RASA1: variants seen among roughly 807,000 people sequenced by gnomAD.
RASA1 encodes RAS p21 protein activator 1.
RASA1 carries 25 observed loss-of-function variants against 132.2 expected under a neutral mutation model. The observed-to-expected ratio is 0.19, with a 90% confidence interval of 0.14 to 0.26. The LOEUF is 0.26. Among genes scored for constraint, RASA1 ranks in the 10% least tolerant of loss-of-function variants. RASA1 has a pLI of 1.00. For missense variants in RASA1, 964 were observed against 1,299.2 expected (o/e 0.74, Z 3.97); for synonymous variants, 477 against 449.9 (o/e 1.06, Z -0.76).
At chr5:87,360,130 T>G (rs75661393) in intron 9 of RASA1, among the ~76,000 whole-genome samples, 2,627 of 151,770 alleles carry the variant, frequency 0.017, 32 homozygotes, top group Non-Finnish European at 0.027. Flanking sequence ...TGCAGTTTTT[T>G]TTTTTTTTTT....
chr5:87,388,448 G>C (rs1395630852), intron 23 of RASA1, among the ~76,000 whole-genome samples: 2 of 152,146 alleles, frequency 1.3e-5, no homozygotes, highest in Admixed American at 1.3e-4. Flanking sequence ...TCCAAAACTT[G>C]TTGAGCACCA....
At position 87,378,547 on chromosome 5, in the gene RASA1, T is replaced by G. The variant is rs776883121; in HGVS notation, c.2487+9T>G. 1.3e-6 allele frequency: 2 copies of G among 1,595,174 alleles called. No individual in the cohort carries two copies. Among genetic ancestry groups the G allele is most frequent in the Non-Finnish European group, 1.7e-6 (2 of 1,163,192 alleles). On this transcript the variant is annotated intron_variant, in intron 18 of 24. Transcript: ENST00000274376. Reference sequence around the variant, plus strand: ...GCAAGCAGTCTTGTGAGGTAAGAATTTAATGTTTTAATAAGTATTTTTGCA... The same window carrying G: ...GCAAGCAGTCTTGTGAGGTAAGAATGTAATGTTTTAATAAGTATTTTTGCA...
chr5:87,373,328 G>A (rs886283243), intron 13 of RASA1, among the ~76,000 whole-genome samples: 1 of 152,090 alleles, frequency 6.6e-6, no homozygotes, highest in African/African-American at 2.4e-5. Flanking sequence ...AAGTAATCTA[G>A]AGATGATTTA....
intron 1 of RASA1, among the ~76,000 whole-genome samples, chr5:87,278,506 A>G (rs1048740988): frequency 5.9e-5 from 9 of 152,046 alleles, no homozygotes. Flanking sequence ...AGATCATGCC[A>G]CTGCACTCCA....
Position 87,340,300 on chromosome 5 carries a change from C to T in RASA1, c.1018-990C>T, listed in dbSNP as rs1478500264. 3.9e-5 allele frequency among the ~76,000 whole-genome samples: 6 copies of T among 152,112 alleles called. No homozygotes were observed. In the East Asian group the frequency reaches 1.2e-3, roughly 29 times the overall value. Reference sequence around the variant, plus strand: ...ATTGTTTCCTTCTGTATTTCCATAGCACCTTGCTAATTCTGCATTCTGTTA... The same window carrying T: ...ATTGTTTCCTTCTGTATTTCCATAGTACCTTGCTAATTCTGCATTCTGTTA... On this transcript the variant is annotated intron_variant, in intron 5 of 24. Transcript: ENST00000274376.
At position 87,268,291 on chromosome 5, in the gene RASA1, A is replaced by G; in HGVS notation, c.-161A>G. On this transcript the variant is annotated 5_prime_UTR_variant, in exon 1 of 25. Transcript: ENST00000274376. The stretch of plus-strand genomic sequence containing the variant: ...GCTGGGGAGCCTGGGCTGTGGCCCT[A>G]GGAGGGGGCGCGGCGGCGGGCTCTC... 9.4e-7 allele frequency: 1 copy of G among 1,061,194 alleles called. No homozygotes were observed. 65.7% of individuals were successfully genotyped at this position (1,061,194 alleles called of 1,614,324 possible).
chr5:87,387,982 C>A (rs1762181267), intron 23 of RASA1, among the ~76,000 whole-genome samples: 1 of 152,122 alleles, frequency 6.6e-6, no homozygotes, highest in South Asian at 2.1e-4. Flanking sequence ...TATTTCTTCA[C>A]CACCTGTATA....
At chr5:87,300,828 G>A (rs1264667780) in intron 1 of RASA1, among the ~76,000 whole-genome samples, 2 of 152,102 alleles carry the variant, frequency 1.3e-5, no homozygotes, top group Non-Finnish European at 1.5e-5. Flanking sequence ...AATGAAAAAT[G>A]GTGACAAAAT....
chr5:87,357,648 T>C (rs911559767), intron 9 of RASA1, among the ~76,000 whole-genome samples: 1 of 151,948 alleles, frequency 6.6e-6, no homozygotes, highest in African/African-American at 2.4e-5. Context: ...GAGGTTGCAG[T>C]GAGCCGAGAT....
intron 1 of RASA1, among the ~76,000 whole-genome samples, chr5:87,295,908 C>T (rs1410754532): frequency 6.6e-6 from 1 of 152,034 alleles, no homozygotes; most frequent in Non-Finnish European, 1.5e-5. Flanking sequence ...CCTCCACCTT[C>T]CATATTCAAG....
intron 9 of RASA1, among the ~76,000 whole-genome samples, chr5:87,354,714 G>A (rs1251495013): frequency 1.3e-5 from 2 of 152,130 alleles, no homozygotes; most frequent in African/African-American, 4.8e-5. Context: ...GGGAGGCATG[G>A]TGAAAGCCAA....
intron 1 of RASA1, among the ~76,000 whole-genome samples, chr5:87,287,816 C>CAT (rs1386991456): frequency 1.7e-3 from 244 of 140,520 alleles, no homozygotes; most frequent in East Asian, 3.1e-3. Context: ...ATATATATAC[C>CAT]ATATATACAC....
In RASA1 at chr5:87,281,273, G is replaced by A. The variant is rs188112468; in HGVS notation, c.539+12283G>A. On this transcript the variant is annotated intron_variant, in intron 1 of 24. Transcript: ENST00000274376. Reference sequence around the variant, plus strand: ...TTTTTTTTTTTTGAGACGGAGTTTCGCTCTTGTTGCCCAGGCTGAAGTGCA... The same window carrying A: ...TTTTTTTTTTTTGAGACGGAGTTTCACTCTTGTTGCCCAGGCTGAAGTGCA... Among the ~76,000 whole-genome samples the A allele has an allele frequency of 7.6e-5, 11 of 144,174 alleles. No homozygotes were observed. In the East Asian group the frequency reaches 1.0e-3, roughly 13 times the overall value. The allele number at this position is 144,174 out of a possible 152,430, so 94.6% of individuals were successfully genotyped here.
intron 5 of RASA1, among the ~76,000 whole-genome samples, chr5:87,339,407 A>G (rs534051042): frequency 1.0e-3 from 154 of 152,286 alleles, no homozygotes; most frequent in African/African-American, 3.4e-3. Flanking sequence ...GGCAAACAGT[A>G]TTCGTACTGA....
rs190425533 is a variant in RASA1 at position 87,370,597 on chromosome 5, G to A, written c.1698+697G>A. On this transcript the variant is annotated intron_variant, in intron 12 of 24. Transcript: ENST00000274376. ...AGATTGCATTAGCACAGGAGTTTGA[G>A]TTACAGTGAGTAAGATCGAGACACT... Among the ~76,000 whole-genome samples, 1,063 of 152,278 alleles carry A rather than the reference G, an allele frequency of 7.0e-3. 5 individuals are homozygous for A. Among genetic ancestry groups the A allele is most frequent in the African/African-American group, 0.016 (677 of 41,562 alleles).
intron 6 of RASA1, among the ~76,000 whole-genome samples, chr5:87,344,757 G>C (rs898331555): frequency 1.4e-5 from 2 of 147,398 alleles, no homozygotes; most frequent in Admixed American, 6.9e-5. Flanking sequence ...GGCCTCAAGT[G>C]ATCCTCCCAC....
Position 87,361,667 on chromosome 5 carries a change from G to GT in RASA1, c.1333-883dup, listed in dbSNP as rs1760103050. Among the ~76,000 whole-genome samples the GT allele has an allele frequency of 2.0e-5, 3 of 152,222 alleles. No homozygotes were observed. In the South Asian group the frequency reaches 6.2e-4, roughly 32 times the overall value. On this transcript the variant is annotated intron_variant, in intron 9 of 24. Transcript: ENST00000274376. ...TTCCTCAGGAGATTTAGCAATTAAT[G>GT]TAAGTTCTGCTATAATGTAACATAT...
At chr5:87,292,994 A>T (rs1158459094) in intron 1 of RASA1, among the ~76,000 whole-genome samples, 3 of 152,162 alleles carry the variant, frequency 2.0e-5, no homozygotes. Context: ...TGTTAGTTCC[A>T]TGAGGTTTTT....
chr5:87,358,579 A>AAG (rs1759834262), intron 9 of RASA1, among the ~76,000 whole-genome samples: 1 of 152,204 alleles, frequency 6.6e-6, no homozygotes, highest in Non-Finnish European at 1.5e-5. Context: ...TTGTCCCCTT[A>AAG]TGCTGCATGC....
Sources: allele counts gnomAD v4.1 joint callset (sites outside exome capture counted in the v4.1 genomes callset), GRCh38; gene constraint gnomAD v4.1.1; transcripts MANE v1.5; gene names NCBI Gene and HGNC (gene_info 2026-07-23, HGNC 2026-07-21).